The following BLTP3B variants were observed in gnomAD, a reference collection of about 807,000 sequenced individuals.
BLTP3B encodes bridge-like lipid transfer protein family member 3B.
the BLTP3B span, among the ~76,000 whole-genome samples, chr12:100,040,033 TTTA>T: frequency 0.084 from 12,806 of 152,212 alleles, 665 homozygotes; most frequent in African/African-American, 0.14. Context: ...AATTACATAA[TTTA>T]TTATGTTTTT....
At chr12:100,080,248 G>T in the BLTP3B span, among the ~76,000 whole-genome samples, 1 of 152,154 alleles carries the variant, frequency 6.6e-6, no homozygotes, top group Non-Finnish European at 1.5e-5. Flanking sequence ...TGGAAAAGGT[G>T]CCAGCAGACA....
chr12:100,037,885 G>A, the BLTP3B span: 5 of 716,668 alleles, frequency 7.0e-6, no homozygotes, highest in East Asian at 1.6e-4. Context: ...GTGCACTTAA[G>A]CTGAAAACTG....
the BLTP3B span, chr12:100,098,600 A>G: frequency 5.3e-6 from 8 of 1,509,032 alleles, no homozygotes; most frequent in South Asian, 7.5e-5. Flanking sequence ...TAAAAATTCT[A>G]TTAATATTTG....
the BLTP3B span, among the ~76,000 whole-genome samples, chr12:100,136,009 G>A: frequency 1.6e-4 from 24 of 152,064 alleles, no homozygotes; most frequent in Admixed American, 2.0e-4. Flanking sequence ...TCAGGAGTTC[G>A]AGAACAGCCT....
the BLTP3B span, chr12:100,088,922 T>C: frequency 6.4e-7 from 1 of 1,554,152 alleles, no homozygotes; most frequent in Non-Finnish European, 8.7e-7. Flanking sequence ...TACCTTTTTC[T>C]TTAGCATGAA....
chr12:100,117,790 C>T, the BLTP3B span, among the ~76,000 whole-genome samples: 1 of 152,114 alleles, frequency 6.6e-6, no homozygotes, highest in Non-Finnish European at 1.5e-5. Flanking sequence ...CATGAGCCAC[C>T]GCACCTGACC....
chr12:100,081,429 T>C, the BLTP3B span, among the ~76,000 whole-genome samples: 3 of 152,198 alleles, frequency 2.0e-5, no homozygotes, highest in Non-Finnish European at 4.4e-5. Flanking sequence ...CAACTTTTGC[T>C]TTAGTTCAGG....
chr12:100,109,664 G>T, the BLTP3B span, among the ~76,000 whole-genome samples: 1 of 152,042 alleles, frequency 6.6e-6, no homozygotes, highest in African/African-American at 2.4e-5. Context: ...TATTCAGGAG[G>T]CTGAGGTGGG....
At chr12:100,068,767 C>A in the BLTP3B span, among the ~76,000 whole-genome samples, 1 of 152,150 alleles carries the variant, frequency 6.6e-6, no homozygotes, top group Non-Finnish European at 1.5e-5. Flanking sequence ...CACTAATGAT[C>A]AGGGAAATGC....
chr12:100,069,924 A>G, the BLTP3B span: 1 of 1,101,576 alleles, frequency 9.1e-7, no homozygotes, highest in Non-Finnish European at 1.1e-6. Context: ...GTTCAATGAT[A>G]TATTTTATTT....
chr12:100,051,350 G>A, the BLTP3B span: 2 of 720,486 alleles, frequency 2.8e-6, no homozygotes, highest in East Asian at 3.1e-5. Flanking sequence ...TTTAAAAAAT[G>A]GACCAAGAAA....
the BLTP3B span, among the ~76,000 whole-genome samples, chr12:100,046,031 A>G: frequency 6.6e-6 from 1 of 152,224 alleles, no homozygotes; most frequent in African/African-American, 2.4e-5. Context: ...ATGAGATACC[A>G]TCTCACGTCA....
At chr12:100,104,670 T>C in the BLTP3B span, among the ~76,000 whole-genome samples, 2 of 151,874 alleles carry the variant, frequency 1.3e-5, no homozygotes, top group Non-Finnish European at 2.9e-5. Context: ...TAATATAAAA[T>C]GTAGGAAACA....
At chr12:100,051,237 A>G in the BLTP3B span, 7 of 1,606,778 alleles carry the variant, frequency 4.4e-6, no homozygotes, top group South Asian at 7.8e-5. Flanking sequence ...ATAACACAAA[A>G]GTAAATTAAT....
the BLTP3B span, among the ~76,000 whole-genome samples, chr12:100,111,580 C>T: frequency 6.6e-6 from 1 of 151,676 alleles, no homozygotes. Context: ...CCACCATGCT[C>T]AGCTAGTTTT....
the BLTP3B span, among the ~76,000 whole-genome samples, chr12:100,082,464 C>G: frequency 6.6e-6 from 1 of 152,098 alleles, no homozygotes; most frequent in South Asian, 2.1e-4. Context: ...AGATCTTGGC[C>G]GAGGCCAATC....
chr12:100,072,982 C>A, the BLTP3B span, among the ~76,000 whole-genome samples: 2 of 152,148 alleles, frequency 1.3e-5, no homozygotes, highest in Admixed American at 1.3e-4. Flanking sequence ...TTTTTAAACA[C>A]CCATCAACTA....
chr12:100,134,530 T>C, the BLTP3B span, among the ~76,000 whole-genome samples: 1 of 151,842 alleles, frequency 6.6e-6, no homozygotes, highest in Admixed American at 6.6e-5. Context: ...GGCAGGAGAA[T>C]CACTTGAACC....
chr12:100,077,521 G>A, the BLTP3B span, among the ~76,000 whole-genome samples: 2 of 152,212 alleles, frequency 1.3e-5, no homozygotes, highest in African/African-American at 4.8e-5. Flanking sequence ...GCACATTGTA[G>A]GATTTAACAG....
Sources: gnomAD v4.1 joint callset for allele counts (sites outside exome capture counted in the v4.1 genomes callset) on GRCh38, gnomAD v4.1.1 for gene constraint, MANE v1.5 for transcripts, NCBI Gene and HGNC (gene_info 2026-07-23, HGNC 2026-07-21) for gene names.